MYO5B: variants seen among roughly 807,000 people sequenced by gnomAD.
MYO5B encodes unconventional myosin-Vb.
A neutral mutation model predicts 229.3 loss-of-function variants in MYO5B; 143 were observed. The observed-to-expected ratio is 0.62, with a 90% confidence interval of 0.54 to 0.72. MYO5B has a LOEUF of 0.72. Among genes scored for constraint, MYO5B ranks in the 30% least tolerant of loss-of-function variants. MYO5B has a pLI of 0.00. For synonymous variants in MYO5B, 918 were observed against 885.2 expected (o/e 1.04, Z -0.66); for missense variants, 2,321 against 2,331.0 (o/e 1.00, Z 0.09).
At chr18:49,876,410 AGG>A (rs1340473119) in intron 25 of MYO5B, 1 of 213,846 alleles carries the variant, frequency 4.7e-6, no homozygotes, top group African/African-American at 2.3e-5. Flanking sequence ...GCGTGGGGAT[AGG>A]GGTGTACAAA....
intron 35 of MYO5B, among the ~76,000 whole-genome samples, chr18:49,840,896 C>T (rs1323125635): frequency 2.6e-5 from 4 of 152,176 alleles, no homozygotes; most frequent in Non-Finnish European, 4.4e-5. Flanking sequence ...TTTGCACACA[C>T]GTAGTTCTGA....
intron 4 of MYO5B, among the ~76,000 whole-genome samples, chr18:50,025,464 C>T (rs1648141309): frequency 6.6e-6 from 1 of 152,186 alleles, no homozygotes; most frequent in African/African-American, 2.4e-5. Flanking sequence ...TTAAGGATCT[C>T]CTCCCATCTC....
intron 1 of MYO5B, among the ~76,000 whole-genome samples, chr18:50,110,795 A>G (rs1294314484): frequency 2.6e-5 from 4 of 152,230 alleles, no homozygotes; most frequent in Non-Finnish European, 1.5e-5. Context: ...TAGAAGATCT[A>G]GACAAGGTAG....
rs375470605 is a variant in MYO5B, at chr18:50,168,005, T to C, written c.27+26762A>G. Among the ~76,000 whole-genome samples the C allele has an allele frequency of 3.3e-5, 5 of 152,344 alleles. No homozygotes were observed. In the East Asian group the frequency reaches 5.8e-4, roughly 18 times the overall value. On this transcript the variant is annotated intron_variant, in intron 1 of 39. Coordinates refer to ENST00000285039, the MANE Select transcript of MYO5B (RefSeq NM_001080467.3). ...TCAACCATTAGACAAAGTTGTTAAA[T>C]TTCACATAGGGCAGGTTCTATGATA...
At chr18:49,854,534 C>A (rs144900747) in intron 30 of MYO5B, among the ~76,000 whole-genome samples, 2 of 152,186 alleles carry the variant, frequency 1.3e-5, no homozygotes, top group African/African-American at 4.8e-5. Flanking sequence ...ACCAGCTTTC[C>A]GATTCAGTGC....
intron 31 of MYO5B, chr18:49,850,902 G>A (rs748622654): frequency 1.4e-4 from 22 of 152,638 alleles, no homozygotes; most frequent in Admixed American, 6.5e-5. Context: ...AACTCTTGGG[G>A]CCACAAGACT....
chr18:49,880,421 A>C lies in MYO5B; in HGVS notation c.3080T>G (p.Leu1027Trp). ...VADLEQENAL[L>W]KDEKEQLNNQ... Reference sequence around the variant, plus strand: ...GTTGAGCTGTTCTTTCTCATCTTTCAAGAGAGCATTTTCTTGCTCCAGGTC... The same window carrying C: ...GTTGAGCTGTTCTTTCTCATCTTTCCAGAGAGCATTTTCTTGCTCCAGGTC... Residue 1027 changes from leucine (L) to tryptophan (W), a missense_variant, in exon 23 of 40, where the codon TTG becomes TGG. Physicochemically the swap from Leu to Trp is moderately conservative, Grantham distance 61 (BLOSUM62 -2). Transcript: ENST00000285039. 1 of 1,614,112 alleles carries C rather than the reference A, an allele frequency of 6.2e-7. No individual in the cohort carries two copies. Among genetic ancestry groups the C allele is most frequent in the Non-Finnish European group, 8.5e-7 (1 of 1,180,000 alleles).
At chr18:50,048,852 G>A (rs561004181) in intron 2 of MYO5B, among the ~76,000 whole-genome samples, 26 of 152,082 alleles carry the variant, frequency 1.7e-4, no homozygotes, top group Non-Finnish European at 1.9e-4. Context: ...GTGAAACTCC[G>A]TCTCTACTTA....
At chr18:50,128,616 T>C (rs2032205226) in intron 1 of MYO5B, among the ~76,000 whole-genome samples, 1 of 152,140 alleles carries the variant, frequency 6.6e-6, no homozygotes, top group African/African-American at 2.4e-5. Context: ...CACACTCCCT[T>C]GGATTTATCA....
chr18:49,997,369 CTTTTTTTTTTT>C (rs34011258), intron 5 of MYO5B, among the ~76,000 whole-genome samples: 1 of 60,348 alleles, frequency 1.7e-5, no homozygotes, highest in Non-Finnish European at 2.7e-5. Flanking sequence ...TCCTTTCTTT[CTTTTTTTTTTT>C]TTTTTTTTTT....
chr18:50,160,231 A>C (rs1290878969), intron 1 of MYO5B, among the ~76,000 whole-genome samples: 1 of 152,230 alleles, frequency 6.6e-6, no homozygotes, highest in South Asian at 2.1e-4. Flanking sequence ...TGCTCTCTCG[A>C]AAACTCTATG....
At chr18:50,018,236 G>A (rs1176499784) in intron 4 of MYO5B, among the ~76,000 whole-genome samples, 2 of 150,580 alleles carry the variant, frequency 1.3e-5, no homozygotes, top group African/African-American at 4.9e-5. Context: ...ACAGGTACAT[G>A]CCACCATGCC....
intron 1 of MYO5B, among the ~76,000 whole-genome samples, chr18:50,101,388 GC>G (rs1273092452): frequency 6.6e-6 from 1 of 152,094 alleles, no homozygotes; most frequent in African/African-American, 2.4e-5. Context: ...CCTGTATGGG[GC>G]CATCTTCTCT....
chr18:49,835,589 G>C (rs2023978074), intron 38 of MYO5B, among the ~76,000 whole-genome samples, 165 bp from the exon 39 acceptor site: 1 of 152,182 alleles, frequency 6.6e-6, no homozygotes, highest in South Asian at 2.1e-4. Flanking sequence ...CCTGCATCCA[G>C]GAAACTAGAG....
In MYO5B at chr18:50,012,805, A is replaced by C. The variant is rs1184721922; in HGVS notation, c.456-11394T>G. On this transcript the variant is annotated intron_variant, in intron 4 of 39. Transcript: ENST00000285039. Reference sequence around the variant, plus strand: ...TTGTTGAAAGCCATGCTGTAAATTCAGAACCCAAAGTAGACAAAGGTTAGC... The same window carrying C: ...TTGTTGAAAGCCATGCTGTAAATTCCGAACCCAAAGTAGACAAAGGTTAGC... 5.3e-5 allele frequency among the ~76,000 whole-genome samples: 8 copies of C among 152,266 alleles called. No homozygotes were observed. In the East Asian group the frequency reaches 1.5e-3, roughly 29 times the overall value.
intron 1 of MYO5B, among the ~76,000 whole-genome samples, chr18:50,099,625 A>C (rs1175302124): frequency 6.6e-6 from 1 of 152,204 alleles, no homozygotes; most frequent in Non-Finnish European, 1.5e-5. Context: ...GACATTCTCA[A>C]TTAGGGGTGA....
At chr18:49,956,280 C>A (rs1598910415) in intron 12 of MYO5B, among the ~76,000 whole-genome samples, 1 of 152,214 alleles carries the variant, frequency 6.6e-6, no homozygotes, top group South Asian at 2.1e-4. Flanking sequence ...TCATTTAACC[C>A]TCATACAATC....
At chr18:50,123,601 A>T (rs2032106734) in intron 1 of MYO5B, among the ~76,000 whole-genome samples, 3 of 152,156 alleles carry the variant, frequency 2.0e-5, no homozygotes, top group South Asian at 4.1e-4. Flanking sequence ...CTAGCCAGGC[A>T]TGGTGGTGCA....
At chr18:49,861,200 C>T (rs932648938) in intron 29 of MYO5B, among the ~76,000 whole-genome samples, 6 of 152,218 alleles carry the variant, frequency 3.9e-5, no homozygotes, top group Non-Finnish European at 5.9e-5. Flanking sequence ...TTGCTGGGAA[C>T]AGAATTATTT....
Sources: allele counts gnomAD v4.1 joint callset (sites outside exome capture counted in the v4.1 genomes callset), GRCh38; gene constraint gnomAD v4.1.1; transcripts MANE v1.5; gene names NCBI Gene and HGNC (gene_info 2026-07-23, HGNC 2026-07-21).